Variants in DSCAM observed in about 807,000 individuals in gnomAD.
DSCAM encodes cell adhesion molecule DSCAM.
A neutral mutation model predicts 217.7 loss-of-function variants in DSCAM; 47 were observed. The ratio of observed to expected loss-of-function variants is 0.22; its 90% CI spans 0.17 to 0.28. The LOEUF (loss-of-function observed/expected upper bound fraction) is 0.28. Among genes scored for constraint, DSCAM ranks in the 10% least tolerant of loss-of-function variants. The pLI is 1.00. For synonymous variants in DSCAM, 1,056 were observed against 1,015.3 expected (o/e 1.04, Z -0.76); for missense variants, 2,080 against 2,618.3 (o/e 0.79, Z 4.49).
intron 3 of DSCAM, among the ~76,000 whole-genome samples, chr21:40,403,629 G>GCGCACACA (rs374617687): frequency 8.8e-4 from 128 of 145,892 alleles, no homozygotes; most frequent in African/African-American, 2.9e-3. Context: ...GCATGCATGT[G>GCGCACACA]CACACACACA....
chr21:40,429,169 T>C lies in DSCAM; in HGVS notation c.509-59924A>G, dbSNP rs190935676. On this transcript the variant is annotated intron_variant, in intron 3 of 32. Coordinates refer to ENST00000400454, the MANE Select transcript of DSCAM (RefSeq NM_001389.5). ...TAATGTTTTTCATTGCAAACACAAC[T>C]GCAGATTTCCAATTTTTTGCAAAAT... Among the ~76,000 whole-genome samples, 610 of 152,330 alleles carry C rather than the reference T, an allele frequency of 4.0e-3. 2 individuals carry two copies. Among genetic ancestry groups the C allele is most frequent in the Admixed American group, 8.2e-3 (126 of 15,306 alleles).
At chr21:40,425,217 T>G (rs1466560596) in intron 3 of DSCAM, among the ~76,000 whole-genome samples, 2 of 151,872 alleles carry the variant, frequency 1.3e-5, no homozygotes, top group Non-Finnish European at 2.9e-5. Context: ...AAGATAATGA[T>G]GTAGCTGAGA....
chr21:40,617,623 T>C (rs955306919), intron 3 of DSCAM, among the ~76,000 whole-genome samples: 6 of 152,220 alleles, frequency 3.9e-5, no homozygotes, highest in Admixed American at 6.5e-5. Context: ...GTGGGAACAT[T>C]CTATGCATCA....
chr21:40,595,913 CTG>C (rs1202294050), intron 3 of DSCAM, among the ~76,000 whole-genome samples: 1 of 152,190 alleles, frequency 6.6e-6, no homozygotes, highest in Non-Finnish European at 1.5e-5. Context: ...AAAGTCATCC[CTG>C]TTGGTAATGG....
intron 3 of DSCAM, among the ~76,000 whole-genome samples, chr21:40,472,811 T>C (rs917659926): frequency 2.0e-5 from 3 of 152,134 alleles, no homozygotes; most frequent in African/African-American, 7.2e-5. Context: ...CCTTCTAGAA[T>C]AACAATTCTC....
intron 3 of DSCAM, among the ~76,000 whole-genome samples, chr21:40,662,715 C>T (rs9636973): frequency 5.9e-5 from 9 of 151,920 alleles, no homozygotes; most frequent in African/African-American, 2.2e-4. Flanking sequence ...CACAAGACCA[C>T]TCACTTCCTT....
intron 11 of DSCAM, among the ~76,000 whole-genome samples, chr21:40,266,670 T>TATATATATATATATATATATATAA (rs201198571): frequency 2.0e-4 from 24 of 120,670 alleles, no homozygotes; most frequent in African/African-American, 9.3e-4. Flanking sequence ...TATATATATA[T>TATATATATATATATATATATATAA]AATCTTGAAA....
intron 4 of DSCAM, among the ~76,000 whole-genome samples, chr21:40,354,393 T>A (rs1182411794): frequency 1.3e-5 from 2 of 152,078 alleles, no homozygotes; most frequent in Admixed American, 6.5e-5. Context: ...TTTAAGTTAG[T>A]GGCTCACTCT....
chr21:40,373,667 T>C (rs1354345523), intron 3 of DSCAM, among the ~76,000 whole-genome samples: 2 of 152,226 alleles, frequency 1.3e-5, no homozygotes, highest in East Asian at 3.8e-4. Context: ...GCTTGTTCAA[T>C]CTTCTCAGCT....
chr21:40,440,983 C>T (rs2075625186), intron 3 of DSCAM, among the ~76,000 whole-genome samples: 1 of 152,210 alleles, frequency 6.6e-6, no homozygotes, highest in South Asian at 2.1e-4. Context: ...GGGGTCTGCA[C>T]TGGATGCAGG....
intron 1 of DSCAM, among the ~76,000 whole-genome samples, chr21:40,785,713 T>A (rs1466541729): frequency 1.3e-5 from 2 of 152,192 alleles, no homozygotes; most frequent in African/African-American, 4.8e-5. Context: ...AGTCATTTAA[T>A]ATGTATGTAT....
chr21:40,674,619 T>A (rs533656146), intron 3 of DSCAM, among the ~76,000 whole-genome samples: 24 of 103,694 alleles, frequency 2.3e-4, no homozygotes, highest in East Asian at 1.7e-3. Flanking sequence ...ATTTTCTTTT[T>A]CTTTTTCTTT....
chr21:40,033,480 G>A (rs955418990), intron 32 of DSCAM, among the ~76,000 whole-genome samples: 2 of 152,110 alleles, frequency 1.3e-5, no homozygotes, highest in Middle Eastern at 3.4e-3. Context: ...CTTAAAACAC[G>A]GCGCACCACG....
intron 1 of DSCAM, among the ~76,000 whole-genome samples, chr21:40,805,712 CTTTTCT>C (rs989698028): frequency 9.0e-6 from 1 of 111,042 alleles, no homozygotes; most frequent in Non-Finnish European, 2.3e-5. Flanking sequence ...TCTTTCTTTT[CTTTTCT>C]TTTTTTTTTT....
chr21:40,815,929 T>C (rs981646949), intron 1 of DSCAM, among the ~76,000 whole-genome samples: 2 of 152,190 alleles, frequency 1.3e-5, no homozygotes, highest in African/African-American at 2.4e-5. Context: ...GCTCAGTAGT[T>C]TGCAGCCATC....
intron 14 of DSCAM, among the ~76,000 whole-genome samples, chr21:40,185,061 C>G (rs67940439): frequency 6.6e-6 from 1 of 152,120 alleles, no homozygotes; most frequent in African/African-American, 2.4e-5. Context: ...TGAAAATAGA[C>G]CTACTAGGTG....
intron 4 of DSCAM, among the ~76,000 whole-genome samples, chr21:40,365,079 A>C (rs1014909958): frequency 1.3e-5 from 2 of 151,574 alleles, no homozygotes; most frequent in African/African-American, 4.8e-5. Flanking sequence ...TATATAAACA[A>C]ATATATTTAA....
chr21:40,599,206 TTTA>T (rs922101148), intron 3 of DSCAM, among the ~76,000 whole-genome samples: 1 of 152,178 alleles, frequency 6.6e-6, no homozygotes, highest in South Asian at 2.1e-4. Flanking sequence ...AAGGCTTTTT[TTTA>T]TTATTATTAT....
chr21:40,673,757 C>T (rs886626230), intron 3 of DSCAM, among the ~76,000 whole-genome samples: 1 of 152,280 alleles, frequency 6.6e-6, no homozygotes, highest in African/African-American at 2.4e-5. Flanking sequence ...CCCTCACTCT[C>T]TCTTGCTTCT....
Sources: allele counts gnomAD v4.1 joint callset (sites outside exome capture counted in the v4.1 genomes callset), GRCh38; gene constraint gnomAD v4.1.1; transcripts MANE v1.5; gene names NCBI Gene and HGNC (gene_info 2026-07-23, HGNC 2026-07-21).